Variants in KCTD16 observed in about 807,000 individuals in gnomAD.
KCTD16 encodes potassium channel tetramerization domain containing 16, also known as BTB/POZ domain-containing protein KCTD16.
In KCTD16, 13 loss-of-function variants were observed where a neutral mutation model predicts 33.2. The ratio of observed to expected loss-of-function variants is 0.39; its 90% confidence interval spans 0.25 to 0.62. The LOEUF (loss-of-function observed/expected upper bound fraction) is 0.62. Ranked by LOEUF, KCTD16 falls within the 20% of genes least tolerant of loss-of-function variation. The probability of loss-of-function intolerance (pLI) is 0.50; values close to 1 mark genes in which losing one functional copy is unlikely to be tolerated. For synonymous variants in KCTD16, 197 were observed against 195.3 expected, an observed-to-expected ratio of 1.01 and a Z score of -0.07; for missense variants, 441 against 525.1, an observed-to-expected ratio of 0.84 and a Z score of 1.57.
chr5:144,359,642 T>C (rs1338221015), intron 3 of KCTD16, among the ~76,000 whole-genome samples: 3 of 150,948 alleles, frequency 2.0e-5, no homozygotes, highest in Admixed American at 6.6e-5. Context: ...CATTTTTGGT[T>C]GTCATAACTG....
intron 3 of KCTD16, among the ~76,000 whole-genome samples, chr5:144,444,645 A>G (rs145506722): frequency 3.2e-4 from 48 of 151,906 alleles, no homozygotes; most frequent in African/African-American, 1.1e-3. Context: ...TTCCTTGAAT[A>G]TTTTCCACGT....
chr5:144,359,831 G>A (rs1193204265), intron 3 of KCTD16, among the ~76,000 whole-genome samples: 1 of 151,990 alleles, frequency 6.6e-6, no homozygotes, highest in Non-Finnish European at 1.5e-5. Context: ...TTATTCTAGA[G>A]TCTAGAAGTC....
At chr5:144,306,752 C>T (rs952341899) in intron 3 of KCTD16, among the ~76,000 whole-genome samples, 6 of 152,144 alleles carry the variant, frequency 3.9e-5, no homozygotes, top group African/African-American at 1.4e-4. Flanking sequence ...ACTCTACCAC[C>T]CCTCAGGATC....
chr5:144,374,382 A>T (rs17101847), intron 3 of KCTD16, among the ~76,000 whole-genome samples: 3,487 of 152,232 alleles, frequency 0.023, 145 homozygotes, highest in African/African-American at 0.08. Context: ...GTCTCTGAAG[A>T]CATTTAGATC....
At chr5:144,408,342 C>T (rs2126951725) in intron 3 of KCTD16, among the ~76,000 whole-genome samples, 1 of 152,302 alleles carries the variant, frequency 6.6e-6, no homozygotes, top group South Asian at 2.1e-4. Flanking sequence ...ATTTTGAATA[C>T]TATAACTTGG....
intron 3 of KCTD16, among the ~76,000 whole-genome samples, chr5:144,441,026 G>A (rs1269024670): frequency 6.6e-6 from 1 of 152,038 alleles, no homozygotes; most frequent in Non-Finnish European, 1.5e-5. Flanking sequence ...TGCTGAGAAT[G>A]AATGTTGAGT....
At chr5:144,383,310 C>G (rs1752254982) in intron 3 of KCTD16, among the ~76,000 whole-genome samples, 1 of 152,192 alleles carries the variant, frequency 6.6e-6, no homozygotes. Flanking sequence ...TTCTCTGCGT[C>G]AGAGCTGCCA....
chr5:144,223,233 G>C (rs919968652), intron 3 of KCTD16, among the ~76,000 whole-genome samples: 1 of 152,056 alleles, frequency 6.6e-6, no homozygotes. Context: ...CATGGCACAT[G>C]TATACATATG....
intron 3 of KCTD16, among the ~76,000 whole-genome samples, chr5:144,227,720 T>C (rs1017882692): frequency 2.6e-5 from 4 of 152,138 alleles, no homozygotes; most frequent in Non-Finnish European, 4.4e-5. Flanking sequence ...AATAATCCAG[T>C]TGAGAGGAGT....
intron 3 of KCTD16, among the ~76,000 whole-genome samples, chr5:144,472,029 C>T (rs1326533728): frequency 6.6e-6 from 1 of 152,096 alleles, no homozygotes; most frequent in East Asian, 1.9e-4. Flanking sequence ...ATGTAATTTT[C>T]CTAATAGTTT....
intron 3 of KCTD16, among the ~76,000 whole-genome samples, chr5:144,344,456 C>T (rs1232449841): frequency 2.7e-5 from 4 of 150,068 alleles, no homozygotes; most frequent in Non-Finnish European, 4.4e-5. Context: ...ACCTACTCAT[C>T]TGACAAAGGG....
intron 3 of KCTD16, among the ~76,000 whole-genome samples, chr5:144,423,751 T>C (rs1015446375): frequency 6.6e-6 from 1 of 152,124 alleles, no homozygotes; most frequent in Admixed American, 6.6e-5. Context: ...ACAGATTAAA[T>C]GAACAGGATT....
At chr5:144,207,678 G>A (rs1229142652) in intron 3 of KCTD16, 132 bp downstream of exon 3, 5 of 714,848 alleles carry the variant, frequency 7.0e-6, no homozygotes, top group Admixed American at 2.9e-5. Flanking sequence ...TGTAGTTAGA[G>A]GATTAGAGGT....
At chr5:144,383,176 G>T (rs1168583527) in intron 3 of KCTD16, 1 of 152,104 alleles carries the variant, frequency 6.6e-6, no homozygotes, top group Non-Finnish European at 1.5e-5. Flanking sequence ...TAGTTGAAGG[G>T]GACCTAGGGA....
intron 3 of KCTD16, among the ~76,000 whole-genome samples, chr5:144,296,104 C>T (rs984885916): frequency 6.6e-6 from 1 of 152,138 alleles, no homozygotes; most frequent in Non-Finnish European, 1.5e-5. Flanking sequence ...CTGCTTTCTG[C>T]TATTGCATGC....
rs1310100423 is a variant in KCTD16, at chr5:144,473,730, G to A, written c.903G>A (p.Gly301=). The change falls in exon 4 of 4, where the codon GGG becomes GGA. Residue 301 remains glycine, a synonymous_variant. Coordinates refer to ENST00000512467, the MANE Select transcript of KCTD16 (RefSeq NM_020768.4). ...CCKNGKGDKE[G]ESGTSCNDLS... ...AGAATGGCAAAGGTGACAAAGAAGG[G>A]GAGAGCGGCACGTCTTGCAATGACC... is the stretch of plus-strand genomic sequence containing the variant. 14 of 1,612,614 alleles carry A rather than the reference G, an allele frequency of 8.7e-6. No individual in the cohort carries two copies. The Admixed American group carries it at 2.3e-4, about 27-fold the overall frequency.
intron 3 of KCTD16, chr5:144,377,716 G>A (rs1460368647): frequency 1.3e-5 from 2 of 152,002 alleles, no homozygotes; most frequent in African/African-American, 4.8e-5. Flanking sequence ...TCTTCTGCAG[G>A]CTGTTGTGCT....
At chr5:144,240,599 G>T (rs918482911) in intron 3 of KCTD16, among the ~76,000 whole-genome samples, 3 of 151,968 alleles carry the variant, frequency 2.0e-5, no homozygotes, top group Admixed American at 2.0e-4. Context: ...AAATGTTTCC[G>T]CTAATATTCT....
intron 3 of KCTD16, among the ~76,000 whole-genome samples, chr5:144,454,057 A>G (rs1253634033): frequency 1.3e-5 from 2 of 152,182 alleles, no homozygotes; most frequent in Non-Finnish European, 2.9e-5. Flanking sequence ...GAAAGTTGAC[A>G]CCACATTTTT....
Sources: gnomAD v4.1 joint callset for allele counts (sites outside exome capture counted in the v4.1 genomes callset) on GRCh38, gnomAD v4.1.1 for gene constraint, MANE v1.5 for transcripts, NCBI Gene and HGNC (gene_info 2026-07-23, HGNC 2026-07-21) for gene names.